The following COL6A6 variants were observed in gnomAD, a reference collection of about 807,000 sequenced individuals.
COL6A6 encodes the protein collagen alpha-6(VI) chain.
A neutral mutation model predicts 208.6 loss-of-function variants in COL6A6; 183 were observed. The ratio of observed to expected loss-of-function variants is 0.88; its 90% CI spans 0.78 to 0.99. The LOEUF (loss-of-function observed/expected upper bound fraction) is 0.99, where lower values mean the gene tolerates loss of function less well. Ranked by LOEUF, COL6A6 falls within the 50% of genes least tolerant of loss-of-function variation. The probability of loss-of-function intolerance (pLI) is 0.00; values close to 1 mark genes in which losing one functional copy is unlikely to be tolerated. For missense variants in COL6A6, 2,816 were observed against 2,815.2 expected (o/e 1.00, Z -0.01); for synonymous variants, 973 against 1,011.8 (o/e 0.96, Z 0.73).
In COL6A6 at chr3:130,662,301, A is replaced by C; in HGVS notation, c.6495A>C (p.Ser2165=). The C allele has an allele frequency of 1.2e-6, 2 of 1,612,082 alleles. No individual in the cohort carries two copies. The highest frequency in any genetic ancestry group is 1.7e-6 in the Non-Finnish European group (2 of 1,178,640). ...GVKFVKSFIN[S]IRRAINKYPP... is the part of the protein sequence containing the mutation. ...AGTTTGTGAAGTCCTTTATAAACTCAATCAGGCGTAAGTCATAAAATCTGT... is the reference window on the plus strand; with the variant it reads ...AGTTTGTGAAGTCCTTTATAAACTCCATCAGGCGTAAGTCATAAAATCTGT... The change falls in exon 35 of 37, where the codon TCA becomes TCC. Residue 2165 remains serine (S), a synonymous_variant. Coordinates refer to ENST00000358511, the MANE Select transcript of COL6A6 (RefSeq NM_001102608.3).
chr3:130,665,291 A>T (rs2066047982), intron 36 of COL6A6, among the ~76,000 whole-genome samples, 195 bp downstream of exon 36: 1 of 152,022 alleles, frequency 6.6e-6, no homozygotes. Flanking sequence ...TGAAAAACAA[A>T]TTGCTTTTTT....
At chr3:130,662,906 G>T (rs2065973286) in intron 35 of COL6A6, among the ~76,000 whole-genome samples, 1 of 152,136 alleles carries the variant, frequency 6.6e-6, no homozygotes, top group African/African-American at 2.4e-5. Flanking sequence ...AACATGGGCT[G>T]CATTTCTTGG....
At chr3:130,547,185 C>T (rs1319826297) in intron 1 of COL6A6, among the ~76,000 whole-genome samples, 2 of 152,358 alleles carry the variant, frequency 1.3e-5, no homozygotes, top group Admixed American at 6.5e-5. Context: ...TGGCAGGCTG[C>T]AGGTCCCGAG....
chr3:130,539,042 C>T (rs2062291548), intron 1 of COL6A6, among the ~76,000 whole-genome samples: 2 of 152,130 alleles, frequency 1.3e-5, no homozygotes, highest in Admixed American at 1.3e-4. Flanking sequence ...CATTCAGGTC[C>T]CCATGCTGAG....
At chr3:130,595,286 C>T (rs2063823655) in intron 18 of COL6A6, among the ~76,000 whole-genome samples, 1 of 152,110 alleles carries the variant, frequency 6.6e-6, no homozygotes, top group African/African-American at 2.4e-5. Context: ...AAGTAAGTCT[C>T]CAAAACCTTA....
intron 36 of COL6A6, among the ~76,000 whole-genome samples, chr3:130,671,471 T>C (rs183711354): frequency 1.3e-5 from 2 of 152,328 alleles, no homozygotes; most frequent in Admixed American, 6.5e-5. Context: ...CATCAAGGAA[T>C]TGAGACATGA....
intron 1 of COL6A6, among the ~76,000 whole-genome samples, chr3:130,552,347 A>G (rs1204060307): frequency 1.3e-5 from 2 of 152,184 alleles, no homozygotes; most frequent in Non-Finnish European, 2.9e-5. Context: ...TATTTAGGAT[A>G]GTTAGATGTT....
Position 130,634,215 on chromosome 3 carries a change from AAATAAAT to A in COL6A6, c.4993-372_4993-366del, listed in dbSNP as rs1559769485. Reference sequence around the variant, plus strand: ...GCTATAAAATGTTAAAAAAAAAAATAAATAAATAAATAAATAAATAAATAAATAAAAA... The same window carrying A: ...GCTATAAAATGTTAAAAAAAAAAATAAAATAAATAAATAAATAAATAAAAA... On this transcript the variant is annotated intron_variant, in intron 26 of 36. Coordinates refer to ENST00000358511, the MANE Select transcript of COL6A6 (RefSeq NM_001102608.3). Among the ~76,000 whole-genome samples the A allele has an allele frequency of 4.1e-5, 5 of 122,118 alleles. 1 individual carries two copies. Among genetic ancestry groups the A allele is most frequent in the East Asian group, 5.5e-4 (2 of 3,610 alleles). 80.1% of individuals were successfully genotyped at this position (122,118 alleles called of 152,430 possible).
At chr3:130,574,917 G>C (rs997261582) in intron 8 of COL6A6, among the ~76,000 whole-genome samples, 1 of 152,048 alleles carries the variant, frequency 6.6e-6, no homozygotes, top group African/African-American at 2.4e-5. Flanking sequence ...CAAGAGCTGT[G>C]GTACAGGTAG....
chr3:130,623,976 G>A (rs1373055113), intron 24 of COL6A6, among the ~76,000 whole-genome samples: 4 of 152,166 alleles, frequency 2.6e-5, no homozygotes, highest in Non-Finnish European at 5.9e-5. Flanking sequence ...ATGATATCTG[G>A]TGGCTAAGAC....
rs1243198563 is a variant in COL6A6, at chr3:130,571,298, G to A, written c.2882G>A (p.Gly961Glu). 1 of 1,613,872 alleles carries A rather than the reference G, an allele frequency of 6.2e-7. No homozygotes were observed. Among genetic ancestry groups the A allele is most frequent in the East Asian group, 2.2e-5 (1 of 44,898 alleles). Residue 961 changes from glycine (G) to glutamate (E), a missense_variant, in exon 7 of 37, where the codon GGA becomes GAA. Gly to Glu is a moderately conservative substitution (Grantham distance 98, BLOSUM62 -2). Transcript: ENST00000358511. ...ANPVELLAMA[G>E]SSDKYFFVET... The stretch of plus-strand genomic sequence containing the variant: ...CCCGTGGAGCTGTTAGCCATGGCAG[G>A]ATCAAGCGACAAGTACTTCTTCGTG...
chr3:130,529,266 ACAAAAACACAGCAGGAAATGT>A (rs974805009), intron 1 of COL6A6, among the ~76,000 whole-genome samples: 1 of 150,314 alleles, frequency 6.7e-6, no homozygotes, highest in African/African-American at 2.5e-5. Context: ...CAGGAAATGT[ACAAAAACACAGCAGGAAATGT>A]AAAAAAAAAA....
At chr3:130,635,007 G>T (rs1333217617) in intron 27 of COL6A6, among the ~76,000 whole-genome samples, 1 of 152,314 alleles carries the variant, frequency 6.6e-6, no homozygotes, top group African/African-American at 2.4e-5. Context: ...GGCCAAGGCA[G>T]GTGGATCACT....
intron 36 of COL6A6, among the ~76,000 whole-genome samples, chr3:130,666,181 A>G (rs1392938528): frequency 6.6e-6 from 1 of 152,230 alleles, no homozygotes; most frequent in Non-Finnish European, 1.5e-5. Context: ...AAATGGTCAA[A>G]TGTAATTGTG....
At chr3:130,598,515 A>T in intron 19 of COL6A6, 85 bp downstream of exon 19, 1 of 937,958 alleles carries the variant, frequency 1.1e-6, no homozygotes. Flanking sequence ...CTTAACAAAA[A>T]AACTGGAATC....
intron 35 of COL6A6, among the ~76,000 whole-genome samples, chr3:130,663,372 T>G (rs1490867235): frequency 2.0e-5 from 3 of 152,036 alleles, no homozygotes; most frequent in African/African-American, 7.2e-5. Flanking sequence ...ATTATAAAGA[T>G]CCCCAGGTGA....
intron 32 of COL6A6, among the ~76,000 whole-genome samples, chr3:130,647,687 G>A (rs1559785098): frequency 6.6e-6 from 1 of 152,210 alleles, no homozygotes; most frequent in Non-Finnish European, 1.5e-5. Context: ...CATGGCAGAG[G>A]GATGTCTCCT....
intron 36 of COL6A6, among the ~76,000 whole-genome samples, chr3:130,671,927 C>G (rs1181628786): frequency 6.6e-6 from 1 of 152,216 alleles, no homozygotes; most frequent in Non-Finnish European, 1.5e-5. Context: ...AGGGAAGAAC[C>G]TGTGCCAGAC....
intron 1 of COL6A6, among the ~76,000 whole-genome samples, chr3:130,538,286 CA>C (rs1490938862): frequency 1.3e-5 from 2 of 151,958 alleles, no homozygotes; most frequent in Non-Finnish European, 2.9e-5. Flanking sequence ...TGGAAATCTG[CA>C]AAATATTATA....
Sources: gnomAD v4.1 joint callset for allele counts (sites outside exome capture counted in the v4.1 genomes callset) on GRCh38, gnomAD v4.1.1 for gene constraint, MANE v1.5 for transcripts, NCBI Gene and HGNC (gene_info 2026-07-23, HGNC 2026-07-21) for gene names.